Variants in ANKS1B observed in about 807,000 individuals in gnomAD.
The protein encoded by ANKS1B is ankyrin repeat and sterile alpha motif domain containing 1B.
In ANKS1B, 36 loss-of-function variants were observed where a neutral mutation model predicts 148.3. That is an observed-to-expected ratio of 0.24 (90% CI 0.19 to 0.32). The LOEUF (loss-of-function observed/expected upper bound fraction) is 0.32, where lower values mean the gene tolerates loss of function less well. Among genes scored for constraint, ANKS1B ranks in the 10% least tolerant of loss-of-function variants. The pLI is 1.00. For synonymous variants in ANKS1B, 542 were observed against 560.8 expected (o/e 0.97, Z 0.47); for missense variants, 1,157 against 1,542.6 (o/e 0.75, Z 4.19).
chr12:99,665,265 T>G (rs1363393391), intron 8 of ANKS1B, among the ~76,000 whole-genome samples: 1 of 152,206 alleles, frequency 6.6e-6, no homozygotes, highest in Admixed American at 6.5e-5. Context: ...TCCACATTCT[T>G]GGCAACACTT....
At chr12:99,196,101 A>G (rs919514347) in intron 14 of ANKS1B, among the ~76,000 whole-genome samples, 1 of 152,212 alleles carries the variant, frequency 6.6e-6, no homozygotes, top group African/African-American at 2.4e-5. Context: ...AATTGTCAAC[A>G]GTAGTTTTTG....
At chr12:99,158,865 C>A (rs1248464955) in intron 14 of ANKS1B, among the ~76,000 whole-genome samples, 1 of 152,148 alleles carries the variant, frequency 6.6e-6, no homozygotes, top group African/African-American at 2.4e-5. Context: ...GGCATGGGAT[C>A]TCATCAAAAG....
At position 98,768,666 on chromosome 12, in the gene ANKS1B, G is replaced by A. The variant is rs1201214443; in HGVS notation, c.3579+4376C>T. On this transcript the variant is annotated intron_variant, in intron 25 of 26. Transcript: ENST00000683438. ...GGAGAATGGCGTGAACCCGGGAGGC[G>A]GAGCTTGCAGTGAGCAGAGATCGTG... is the stretch of plus-strand genomic sequence containing the variant. 2.0e-5 allele frequency among the ~76,000 whole-genome samples: 3 copies of A among 150,866 alleles called. 1 individual carries two copies. Among genetic ancestry groups the A allele is most frequent in the Admixed American group, 1.3e-4 (2 of 15,118 alleles).
chr12:98,854,423 T>C (rs1275918837), intron 17 of ANKS1B, among the ~76,000 whole-genome samples: 1 of 152,220 alleles, frequency 6.6e-6, no homozygotes, highest in African/African-American at 2.4e-5. Flanking sequence ...TTTAGTAATA[T>C]GACTGAAAAA....
At chr12:99,932,944 G>A (rs1381378980) in intron 1 of ANKS1B, among the ~76,000 whole-genome samples, 1 of 152,016 alleles carries the variant, frequency 6.6e-6, no homozygotes, top group Non-Finnish European at 1.5e-5. Context: ...TTTTTAGATG[G>A]CAAGAGATAG....
chr12:98,881,755 A>G (rs1264751857), intron 17 of ANKS1B, among the ~76,000 whole-genome samples: 1 of 152,136 alleles, frequency 6.6e-6, no homozygotes, highest in African/African-American at 2.4e-5. Context: ...ACTTTTTCCT[A>G]TTACAGTATA....
At position 99,819,909 on chromosome 12, in the gene ANKS1B, G is replaced by A. The variant is rs116209219; in HGVS notation, c.215+5400C>T. 2.7e-3 allele frequency among the ~76,000 whole-genome samples: 404 copies of A among 151,824 alleles called. 1 individual carries two copies. The highest frequency in any genetic ancestry group is 8.7e-3 in the African/African-American group (361 of 41,488). ...GAAAAAAAGGGATGAGAAGAAGTGG[G>A]AGGCAGGGAAGGAAGGTAGAGAGGA... On this transcript the variant is annotated intron_variant, in intron 2 of 26. Transcript: ENST00000683438.
At chr12:99,519,689 T>G (rs1567259557) in intron 9 of ANKS1B, among the ~76,000 whole-genome samples, 1 of 152,148 alleles carries the variant, frequency 6.6e-6, no homozygotes, top group Non-Finnish European at 1.5e-5. Context: ...CCACTCTATT[T>G]GAAGTCAGTC....
intron 1 of ANKS1B, among the ~76,000 whole-genome samples, chr12:99,942,442 G>C (rs2094943065): frequency 6.6e-6 from 1 of 152,108 alleles, no homozygotes; most frequent in Non-Finnish European, 1.5e-5. Context: ...AGTGGAGATA[G>C]CTGGAACAAA....
chr12:99,747,785 T>A (rs961958217), intron 8 of ANKS1B, among the ~76,000 whole-genome samples: 4 of 152,112 alleles, frequency 2.6e-5, no homozygotes, highest in Admixed American at 2.6e-4. Flanking sequence ...CTTTCAAAAT[T>A]GGATTGCTAT....
intron 10 of ANKS1B, among the ~76,000 whole-genome samples, chr12:99,452,862 G>C (rs2095769979): frequency 6.6e-6 from 1 of 152,172 alleles, no homozygotes; most frequent in African/African-American, 2.4e-5. Context: ...TAATTAGCCA[G>C]CAACTTTACC....
intron 9 of ANKS1B, among the ~76,000 whole-genome samples, chr12:99,520,378 G>A (rs1440373985): frequency 6.6e-5 from 10 of 152,176 alleles, no homozygotes; most frequent in East Asian, 1.9e-4. Flanking sequence ...TCCTTCAGCC[G>A]TTTAAATATG....
intron 1 of ANKS1B, among the ~76,000 whole-genome samples, chr12:99,850,358 G>A (rs1277302213): frequency 4.8e-5 from 7 of 144,568 alleles, no homozygotes; most frequent in Non-Finnish European, 9.0e-5. Flanking sequence ...AGGCCACAAA[G>A]CCTAGCTGAC....
At chr12:98,942,165 C>T (rs184541263) in intron 17 of ANKS1B, among the ~76,000 whole-genome samples, 4 of 142,380 alleles carry the variant, frequency 2.8e-5, no homozygotes, top group East Asian at 2.2e-4. Context: ...CACTTGAACC[C>T]AGGAGGCAGA....
At position 98,772,995 on chromosome 12, in the gene ANKS1B, C is replaced by T. The variant is rs376708041; in HGVS notation, c.3579+47G>A. 5 of 1,610,020 alleles carry T rather than the reference C, an allele frequency of 3.1e-6. No homozygotes were observed. The African/African-American group carries it at 5.3e-5, about 17-fold the overall frequency. ...AGTTGGGCTTTCAATACAGTCCAGG[C>T]CCATTCTGCAAAGTCTTTAATCTGT... On this transcript the variant is annotated intron_variant, in intron 25 of 26. Coordinates refer to ENST00000683438, the MANE Select transcript of ANKS1B (RefSeq NM_001352186.2).
intron 19 of ANKS1B, among the ~76,000 whole-genome samples, chr12:98,828,771 A>G (rs2099271104): frequency 6.6e-6 from 1 of 152,244 alleles, no homozygotes; most frequent in Non-Finnish European, 1.5e-5. Flanking sequence ...TAGACTTGGG[A>G]GGAAATTAAC....
intron 12 of ANKS1B, among the ~76,000 whole-genome samples, chr12:99,338,035 G>C (rs181359017): frequency 3.9e-4 from 60 of 152,222 alleles, no homozygotes; most frequent in Non-Finnish European, 2.2e-4. Flanking sequence ...CCTGACTACT[G>C]ATGATGTTCA....
chr12:98,961,309 A>T (rs1308964308), intron 17 of ANKS1B, among the ~76,000 whole-genome samples: 1 of 152,226 alleles, frequency 6.6e-6, no homozygotes, highest in Non-Finnish European at 1.5e-5. Flanking sequence ...GAAACCTTAC[A>T]GGCCAGGAGA....
chr12:98,941,981 G>A (rs2099837507), intron 17 of ANKS1B, among the ~76,000 whole-genome samples: 2 of 152,114 alleles, frequency 1.3e-5, no homozygotes, highest in African/African-American at 2.4e-5. Flanking sequence ...AGTGGCTCAC[G>A]CCTGTAATCC....
Sources: gnomAD v4.1 joint callset for allele counts (sites outside exome capture counted in the v4.1 genomes callset) on GRCh38, gnomAD v4.1.1 for gene constraint, MANE v1.5 for transcripts, NCBI Gene and HGNC (gene_info 2026-07-23, HGNC 2026-07-21) for gene names.